IL12RB1: variants seen among roughly 807,000 people sequenced by gnomAD.
The protein encoded by IL12RB1 is interleukin 12 receptor subunit beta 1.
Under a neutral mutation model 94.4 loss-of-function variants are expected in IL12RB1, and 64 were observed. The observed-to-expected ratio is 0.68, with a 90% CI of 0.55 to 0.83. The LOEUF (loss-of-function observed/expected upper bound fraction) is 0.83. IL12RB1 is among the 40% of genes least tolerant of loss of function. The pLI, the probability that IL12RB1 is intolerant of heterozygous loss-of-function variation, is 0.00. For synonymous variants in IL12RB1, 362 were observed against 355.5 expected, an observed-to-expected ratio of 1.02 and a Z score of -0.21; for missense variants, 814 against 855.6, an observed-to-expected ratio of 0.95 and a Z score of 0.61.
In IL12RB1 at chr19:18,063,864, C is replaced by A. The variant is rs750308865; in HGVS notation, c.1618+12G>T. ...GCTGGGTAAATAACTGGGTCCTACCCCCTCCACTCACCGATGCTGAAGCGC... is the reference window on the plus strand; with the variant it reads ...GCTGGGTAAATAACTGGGTCCTACCACCTCCACTCACCGATGCTGAAGCGC... On this transcript the variant is annotated intron_variant, in intron 13 of 16. Coordinates refer to ENST00000593993, the MANE Select transcript of IL12RB1 (RefSeq NM_005535.3). 6.2e-7 allele frequency: 1 copy of A among 1,612,044 alleles called. No individual in the cohort carries two copies. The highest frequency in any genetic ancestry group is 1.3e-5 in the African/African-American group (1 of 74,888).
chr19:18,086,735 G>A (rs1424462721), intron 1 of IL12RB1, 25 bp downstream of exon 1: 18 of 1,598,084 alleles, frequency 1.1e-5, no homozygotes, highest in Middle Eastern at 1.7e-4. Context: ...AAGAGGAGCC[G>A]CCATGCCAGG....
intron 10 of IL12RB1, among the ~76,000 whole-genome samples, chr19:18,068,957 C>T (rs1476569825): frequency 6.6e-6 from 1 of 152,038 alleles, no homozygotes; most frequent in Non-Finnish European, 1.5e-5. Context: ...TCCATGTTGG[C>T]CAGGCTGGTC....
intron 4 of IL12RB1, among the ~76,000 whole-genome samples, chr19:18,078,356 A>G (rs900510321): frequency 6.6e-6 from 1 of 152,074 alleles, no homozygotes; most frequent in Non-Finnish European, 1.5e-5. Context: ...GTAGTTAGAC[A>G]AGATCCCACC....
chr19:18,059,884 GC>G lies in IL12RB1; in HGVS notation c.1983+9del. 6.5e-7 allele frequency: 1 copy of G among 1,545,978 alleles called. No individual in the cohort carries two copies. The highest frequency in any genetic ancestry group is 8.8e-7 in the Non-Finnish European group (1 of 1,136,650). On this transcript the variant is annotated intron_variant, in intron 16 of 16. Coordinates refer to ENST00000593993, the MANE Select transcript of IL12RB1 (RefSeq NM_005535.3). ...CACCCCTGACCGTCTGGCCCACTGG[GC>G]CCCAGGACCTTGGCCTTGCACCTGT...
chr19:18,086,675 C>CCACA (rs937032556), intron 1 of IL12RB1, 85 bp downstream of exon 1: 3 of 1,383,436 alleles, frequency 2.2e-6, no homozygotes, highest in Non-Finnish European at 3.0e-6. Flanking sequence ...TGAAACCAAC[C>CCACA]CACACAGCAG....
intron 9 of IL12RB1, among the ~76,000 whole-genome samples, chr19:18,071,624 A>C (rs2035050656): frequency 7.2e-6 from 1 of 138,386 alleles, no homozygotes; most frequent in Admixed American, 7.0e-5. Flanking sequence ...CTGTCTCTTA[A>C]AAAAAACAAA....
intron 5 of IL12RB1, 145 bp downstream of exon 5, chr19:18,077,371 A>AC: frequency 1.4e-6 from 1 of 690,364 alleles, no homozygotes; most frequent in East Asian, 2.7e-5. Context: ...CAGAAAAAAA[A>AC]AAAGAAAAAG....
chr19:18,064,146 T>TTC, intron 12 of IL12RB1, 136 bp from the exon 13 acceptor site: 3 of 602,042 alleles, frequency 5.0e-6, no homozygotes, highest in Non-Finnish European at 8.7e-6. Context: ...TTCTTTTTTT[T>TTC]TTTTTTTTTT....
intron 13 of IL12RB1, 57 bp from the exon 14 acceptor site, chr19:18,062,334 A>G (rs2034202399): frequency 1.9e-6 from 2 of 1,037,714 alleles, no homozygotes. Flanking sequence ...TCCTCAGGGA[A>G]GGAGCTAGGA....
intron 11 of IL12RB1, among the ~76,000 whole-genome samples, chr19:18,066,946 G>A (rs2034626573): frequency 6.6e-6 from 1 of 151,540 alleles, no homozygotes; most frequent in Non-Finnish European, 1.5e-5. Context: ...AGAATCACTT[G>A]AGCCCAGGAG....
rs1285701884 is a variant in IL12RB1, at chr19:18,068,462, G to T, written c.1254C>A (p.Ile418=). 11 of 1,612,164 alleles carry T rather than the reference G, an allele frequency of 6.8e-6. No individual in the cohort carries two copies. The highest frequency in any genetic ancestry group is 9.3e-6 in the Non-Finnish European group (11 of 1,178,442). ...MGQEKCYYIT[I]FASAHPEKLT... ...GCTTCTCGGGGTGCGCAGAGGCAAA[G>T]ATGGTAATGTAGTAACACTTTTCCT... The change falls in exon 11 of 17, where the codon ATC becomes ATA. Residue 418 remains isoleucine, a synonymous_variant. Coordinates refer to ENST00000593993, the MANE Select transcript of IL12RB1 (RefSeq NM_005535.3).
At chr19:18,072,946 CAAAAAAAA>C (rs11336251) in intron 8 of IL12RB1, among the ~76,000 whole-genome samples, 34 of 75,208 alleles carry the variant, frequency 4.5e-4, no homozygotes, top group Middle Eastern at 6.7e-3. Flanking sequence ...GACTCCATCT[CAAAAAAAA>C]AAAAAAAAAA....
At chr19:18,061,869 G>GAAAAAAAAAAAAGA (rs767444429) in intron 14 of IL12RB1, among the ~76,000 whole-genome samples, 5 of 142,722 alleles carry the variant, frequency 3.5e-5, no homozygotes, top group South Asian at 2.2e-4. Context: ...TCTCAAAAAA[G>GAAAAAAAAAAAAGA]AAAAAAAAAA....
intron 8 of IL12RB1, among the ~76,000 whole-genome samples, chr19:18,072,814 G>A (rs2035163269): frequency 6.6e-6 from 1 of 151,902 alleles, no homozygotes; most frequent in Admixed American, 6.6e-5. Context: ...CGGCATGGTG[G>A]TGGGCGCCTG....
In IL12RB1 at chr19:18,075,929, C is replaced by T; in HGVS notation, c.581-61G>A. On this transcript the variant is annotated intron_variant, in intron 6 of 16. Transcript: ENST00000593993. ...ATTGTCCAGGACTTGGCACCAGTCA[C>T]TTAACCATCATGTGCTTATTGAGCT... The T allele has an allele frequency of 3.2e-6, 5 of 1,559,234 alleles. No individual in the cohort carries two copies. In the South Asian group the frequency reaches 4.4e-5, roughly 14 times the overall value.
rs2035586763 is a variant in IL12RB1 at position 18,077,624 on chromosome 19, C to T, written c.441G>A (p.Lys147=). 3 of 1,594,028 alleles carry T rather than the reference C, an allele frequency of 1.9e-6. No individual in the cohort carries two copies. Among genetic ancestry groups the T allele is most frequent in the South Asian group, 1.1e-5 (1 of 90,668 alleles). The change falls in exon 5 of 17, where the codon AAG becomes AAA. Residue 147 remains lysine, a synonymous_variant. Transcript: ENST00000593993. The part of the protein sequence containing the change: ...VKYEPPLGDI[K]VSKLAGQLRM... ...GCAGCTGCCCGGCCAACTTGGACAC[C>T]TTGATGTCTCCCAGAGGAGGCTCAT...
intron 12 of IL12RB1, among the ~76,000 whole-genome samples, chr19:18,064,896 ACACGCC>A (rs937803148): frequency 1.3e-5 from 2 of 152,076 alleles, no homozygotes; most frequent in African/African-American, 4.8e-5. Context: ...TTTCCATAAG[ACACGCC>A]CACCAGTGTG....
chr19:18,088,427 G>A (rs2036480298), upstream of IL12RB1, among the ~76,000 whole-genome samples: 1 of 129,360 alleles, frequency 7.7e-6, no homozygotes, highest in Non-Finnish European at 1.7e-5. Context: ...AGCCAGTCGT[G>A]GTGGCACACA....
chr19:18,061,037 G>A, intron 15 of IL12RB1, 85 bp downstream of exon 15: 1 of 771,152 alleles, frequency 1.3e-6, no homozygotes. Flanking sequence ...GATGAATTGG[G>A]AGAGAATAAA....
Sources: allele counts gnomAD v4.1 joint callset (sites outside exome capture counted in the v4.1 genomes callset), GRCh38; gene constraint gnomAD v4.1.1; transcripts MANE v1.5; gene names NCBI Gene and HGNC (gene_info 2026-07-23, HGNC 2026-07-21).